LRFN1: variants seen among roughly 807,000 people sequenced by gnomAD.
LRFN1 encodes leucine rich repeat and fibronectin type III domain containing 1.
LRFN1 carries 20 observed loss-of-function variants against 31.8 expected under a neutral mutation model. The ratio of observed to expected loss-of-function variants is 0.63; its 90% CI spans 0.44 to 0.91. LRFN1 has a LOEUF of 0.91. Ranked by LOEUF, LRFN1 falls within the 40% of genes least tolerant of loss-of-function variation. The pLI, the probability that LRFN1 is intolerant of heterozygous loss-of-function variation, is 0.00. For missense variants in LRFN1, 912 were observed against 1,129.8 expected (o/e 0.81, Z 2.76); for synonymous variants, 514 against 541.3 (o/e 0.95, Z 0.70).
At chr19:39,320,305 G>C (rs1356101754) in intron 1 of LRFN1, among the ~76,000 whole-genome samples, 3 of 134,654 alleles carry the variant, frequency 2.2e-5, no homozygotes, top group East Asian at 2.2e-4. Context: ...ACAACCCGCA[G>C]ACACACACAC....
At chr19:39,317,508 C>G (rs1039595408) in intron 2 of LRFN1, among the ~76,000 whole-genome samples, 1 of 152,134 alleles carries the variant, frequency 6.6e-6, no homozygotes, top group African/African-American at 2.4e-5. Context: ...GCCTCGCCTC[C>G]GACAGCTGGG....
chr19:39,312,785 A>G (rs1314787790), intron 4 of LRFN1, among the ~76,000 whole-genome samples: 4 of 148,830 alleles, frequency 2.7e-5, no homozygotes, highest in Non-Finnish European at 5.9e-5. Flanking sequence ...CTGGGGTGAC[A>G]GAGCAAGACC....
chr19:39,314,626 G>T lies in LRFN1; in HGVS notation c.711C>A (p.Thr237=). 6.2e-7 allele frequency: 1 copy of T among 1,610,056 alleles called. No homozygotes were observed. Among genetic ancestry groups the T allele is most frequent in the East Asian group, 2.2e-5 (1 of 44,646 alleles). The change falls in exon 4 of 5, where the codon ACC becomes ACA. Residue 237 remains threonine (T), a synonymous_variant. Coordinates refer to ENST00000248668, the MANE Select transcript of LRFN1 (RefSeq NM_020862.2). ...TCAGCGGGGTGGGCGGCTTGGGCCC[G>T]GTGCCCTGCGACCTCAGGAAGAGCC... ...PDGLFLRSQG[T]GPKPPTPLTV... is the part of the protein sequence containing the mutation.
chr19:39,315,479 C>T lies in LRFN1; in HGVS notation c.-37-106G>A, dbSNP rs574439042. On this transcript the variant is annotated intron_variant, in intron 3 of 4. Coordinates refer to ENST00000248668, the MANE Select transcript of LRFN1 (RefSeq NM_020862.2). The surrounding 1 kb of genome is among the most constrained non-coding windows in gnomAD (Gnocchi z 4.7). ...TCCCCTACCGCCTACAGCTGGGTTC[C>T]ATAGGATGGTGAGAGGAAGCCACTA... 31 of 718,654 alleles carry T rather than the reference C, an allele frequency of 4.3e-5. No homozygotes were observed. The South Asian group carries it at 5.9e-4, about 14-fold the overall frequency. The allele number at this position is 718,654 out of a possible 1,614,324, so 44.5% of individuals were successfully genotyped here. A position where few individuals can be genotyped will look rare whatever the true frequency, so the allele number is the denominator to read the frequency against.
intron 4 of LRFN1, among the ~76,000 whole-genome samples, chr19:39,313,716 G>A: frequency 6.6e-6 from 1 of 152,170 alleles, no homozygotes; most frequent in East Asian, 1.9e-4. Flanking sequence ...AGCCCTGGTC[G>A]GGTTCATGTA....
Position 39,308,628 on chromosome 19 carries a change from G to C in LRFN1, c.1407-86C>G. On this transcript the variant is annotated intron_variant, in intron 4 of 4. Coordinates refer to ENST00000248668, the MANE Select transcript of LRFN1 (RefSeq NM_020862.2). The surrounding 1 kb of genome is among the most constrained non-coding windows in gnomAD (Gnocchi z 6.2). ...ATGCCCCGCCCATGGTGAACAGTGG[G>C]GACTAAACCCTGCTATCGAAGTCTC... The C allele has an allele frequency of 8.2e-7, 1 of 1,222,068 alleles. No homozygotes were observed. The highest frequency in any genetic ancestry group is 2.0e-4 in the Middle Eastern group (1 of 4,958). The allele number at this position is 1,222,068 out of a possible 1,614,324, so 75.7% of individuals were successfully genotyped here. A position where few individuals can be genotyped will look rare whatever the true frequency, so the allele number is the denominator to read the frequency against.
At chr19:39,311,357 A>C (rs1015729532) in intron 4 of LRFN1, among the ~76,000 whole-genome samples, 2 of 152,128 alleles carry the variant, frequency 1.3e-5, no homozygotes, top group East Asian at 3.9e-4. Flanking sequence ...GGGGCCATCA[A>C]CATCTGCATC....
Position 39,307,684 on chromosome 19 carries a change from C to A in LRFN1, c.2265G>T (p.Arg755Ser). The A allele has an allele frequency of 6.6e-7, 1 of 1,503,802 alleles. No individual in the cohort carries two copies. The highest frequency in any genetic ancestry group is 1.7e-4 in the Middle Eastern group (1 of 5,802). The allele number at this position is 1,503,802 out of a possible 1,614,324, so 93.2% of individuals were successfully genotyped here. The change falls in exon 5 of 5, where the codon AGG (arginine) becomes AGT (serine). Residue 755 changes from arginine (R) to serine (S), a missense_variant. Physicochemically the swap from Arg to Ser is moderately radical, Grantham distance 110. Around this residue, in one of 2 missense-constraint regions of LRFN1, gnomAD observed 511 missense variants for 557.0 expected, o/e 0.92. Transcript: ENST00000248668. The surrounding 1 kb of genome is among the most constrained non-coding windows in gnomAD (Gnocchi z 6.7). ...CGGTGCTGGTGAAAGCCAGGCACGCCCTGGCGGAGCCCAGCCCCAGGTCTC... is the reference window on the plus strand; with the variant it reads ...CGGTGCTGGTGAAAGCCAGGCACGCACTGGCGGAGCCCAGCCCCAGGTCTC... ...EDGDLGLGSA[R>S]ACLAFTSTEW... is the part of the protein sequence containing the mutation.
At chr19:39,320,007 C>G (rs1413220846) in intron 1 of LRFN1, among the ~76,000 whole-genome samples, 1 of 151,862 alleles carries the variant, frequency 6.6e-6, no homozygotes, top group Non-Finnish European at 1.5e-5. Context: ...GGGGAAGGGC[C>G]GGGTCTTCGC....
intron 4 of LRFN1, among the ~76,000 whole-genome samples, chr19:39,311,270 A>G (rs1289382805): frequency 3.3e-5 from 5 of 152,146 alleles, no homozygotes; most frequent in Admixed American, 6.5e-5. Flanking sequence ...GGAATCTGCA[A>G]TGGGGGTTGG....
rs1257228082 is a variant in LRFN1 at position 39,308,813 on chromosome 19, C to T, written c.1407-271G>A. Among the ~76,000 whole-genome samples the T allele has an allele frequency of 6.6e-6, 1 of 152,220 alleles. No individual in the cohort carries two copies. Among genetic ancestry groups the T allele is most frequent in the African/African-American group, 2.4e-5 (1 of 41,462 alleles). ...ATATCTATCATTCGTATTACCTCCT[C>T]TGCATATCCCGGCCCCTGCAGGGGA... On this transcript the variant is annotated intron_variant, in intron 4 of 4. Transcript: ENST00000248668. This position sits in a 1 kb window ranked among gnomAD's most constrained non-coding sequence, Gnocchi z 6.2.
intron 1 of LRFN1, among the ~76,000 whole-genome samples, chr19:39,319,189 A>C (rs1436227197): frequency 6.6e-6 from 1 of 152,238 alleles, no homozygotes; most frequent in Non-Finnish European, 1.5e-5. Context: ...GCAAGTTCAC[A>C]CACACAAATG....
At position 39,314,372 on chromosome 19, in the gene LRFN1, C is replaced by G; in HGVS notation, c.965G>C (p.Arg322Pro). The G allele has an allele frequency of 6.3e-7, 1 of 1,589,066 alleles. No homozygotes were observed. The highest frequency in any genetic ancestry group is 8.6e-7 in the Non-Finnish European group (1 of 1,169,552). Residue 322 changes from arginine to proline, a missense_variant, in exon 4 of 5, where the codon CGA becomes CCA. Arg to Pro is a moderately radical substitution (Grantham distance 103). Transcript: ENST00000248668. ...VEGQAVSLRCRAVGDPEPVVH... is the reference protein window; with the variant it reads ...VEGQAVSLRCPAVGDPEPVVH... The stretch of plus-strand genomic sequence containing the variant: ...CACCGGCTCGGGGTCACCCACCGCT[C>G]GGCAGCGCAGGCTCACCGCCTGGCC...
Position 39,308,324 on chromosome 19 carries a change from C to A in LRFN1, c.1625G>T (p.Gly542Val), listed in dbSNP as rs538074300. ...GACGAGGACCGAGGCGACGATGACG[C>A]CCCCGATGGCGATGATCATGGTGCC... ...LGGTMIIAIG[G>V]VIVASVLVFI... Residue 542 changes from glycine to valine, a missense_variant, in exon 5 of 5, where the codon GGC (glycine) becomes GTC (valine). Gly to Val is a moderately radical substitution (Grantham distance 109). This residue lies in a region of LRFN1 where 511 missense variants were observed against 557.0 expected (regional missense o/e 0.92). Transcript: ENST00000248668. This position sits in a 1 kb window ranked among gnomAD's most constrained non-coding sequence, Gnocchi z 6.2. 2 of 1,613,206 alleles carry A rather than the reference C, an allele frequency of 1.2e-6. No individual in the cohort carries two copies. Among genetic ancestry groups the A allele is most frequent in the East Asian group, 2.2e-5 (1 of 44,858 alleles).
At chr19:39,309,057 C>T (rs2075141307) in intron 4 of LRFN1, among the ~76,000 whole-genome samples, 1 of 152,244 alleles carries the variant, frequency 6.6e-6, no homozygotes. Flanking sequence ...CCTACTGGAA[C>T]AATGGATGCT....
intron 4 of LRFN1, among the ~76,000 whole-genome samples, chr19:39,311,214 G>A (rs535295260): frequency 1.3e-5 from 2 of 152,190 alleles, no homozygotes; most frequent in Non-Finnish European, 2.9e-5. Context: ...TGCCACCTCC[G>A]CCCATGACAG....
chr19:39,316,786 G>A (rs1190150871), intron 2 of LRFN1, among the ~76,000 whole-genome samples: 1 of 152,178 alleles, frequency 6.6e-6, no homozygotes, highest in Non-Finnish European at 1.5e-5. Context: ...CCCTGCGGCG[G>A]CTGCAGCCCA....
intron 4 of LRFN1, among the ~76,000 whole-genome samples, chr19:39,313,227 T>G (rs1015095136): frequency 1.3e-5 from 2 of 152,170 alleles, no homozygotes; most frequent in African/African-American, 4.8e-5. Context: ...GTATATAATT[T>G]ATAAATATAA....
At position 39,309,478 on chromosome 19, in the gene LRFN1, CAAAAAAA is replaced by C. The variant is rs71169583; in HGVS notation, c.1407-943_1407-937del. ...ACTCTGTCTCAAAAAACAAACAAAC[CAAAAAAA>C]AAAAAAAAAAAAAAAAAAAAAACCA... On this transcript the variant is annotated intron_variant, in intron 4 of 4. Transcript: ENST00000248668. 1.2e-3 allele frequency among the ~76,000 whole-genome samples: 39 copies of C among 31,998 alleles called. 1 individual carries two copies. Among genetic ancestry groups the C allele is most frequent in the African/African-American group, 4.4e-3 (30 of 6,826 alleles). The allele number at this position is 31,998 out of a possible 152,430, so 21.0% of individuals were successfully genotyped here.
Sources: gnomAD v4.1 joint callset for allele counts (sites outside exome capture counted in the v4.1 genomes callset) on GRCh38, gnomAD v4.1.1 for gene constraint, gnomAD v4.1.1 regional missense constraint, Gnocchi (gnomAD v3.1) non-coding constraint, MANE v1.5 for transcripts, NCBI Gene and HGNC (gene_info 2026-07-23, HGNC 2026-07-21) for gene names.